The following HPS3 variants were observed in gnomAD, a reference collection of about 807,000 sequenced individuals.
The protein encoded by HPS3 is BLOC-2 complex member HPS3.
Under a neutral mutation model 110.9 loss-of-function variants are expected in HPS3, and 79 were observed. The ratio of observed to expected loss-of-function variants is 0.71; its 90% CI spans 0.59 to 0.86. The LOEUF (loss-of-function observed/expected upper bound fraction) is 0.86, where lower values mean the gene tolerates loss of function less well. Among genes scored for constraint, HPS3 ranks in the 40% least tolerant of loss-of-function variants. The pLI is 0.00. For missense variants in HPS3, 1,197 were observed against 1,206.2 expected, an observed-to-expected ratio of 0.99 and a Z score of 0.11; for synonymous variants, 428 against 451.0, an observed-to-expected ratio of 0.95 and a Z score of 0.65.
intron 1 of HPS3, among the ~76,000 whole-genome samples, chr3:149,134,302 TAA>T (rs1426370669): frequency 6.6e-6 from 1 of 152,224 alleles, no homozygotes; most frequent in Non-Finnish European, 1.5e-5. Flanking sequence ...TTTTAAGGCA[TAA>T]GAGTTCTCAC....
At chr3:149,158,171 A>G (rs1723570325) in intron 9 of HPS3, among the ~76,000 whole-genome samples, 1 of 152,210 alleles carries the variant, frequency 6.6e-6, no homozygotes, top group Non-Finnish European at 1.5e-5. Context: ...TTTTGAGAGT[A>G]ATGTTTACAA....
intron 15 of HPS3, among the ~76,000 whole-genome samples, chr3:149,167,473 A>G (rs2108185563): frequency 6.6e-6 from 1 of 152,320 alleles, no homozygotes; most frequent in African/African-American, 2.4e-5. Flanking sequence ...TTTGGAGATG[A>G]AGTAGTTGAT....
Position 149,141,006 on chromosome 3 carries a change from A to G in HPS3, c.713-11A>G, listed in dbSNP as rs1722406466. 6.2e-7 allele frequency: 1 copy of G among 1,612,162 alleles called. No individual in the cohort carries two copies. The highest frequency in any genetic ancestry group is 1.3e-5 in the African/African-American group (1 of 74,872). On this transcript the variant is annotated splice_polypyrimidine_tract_variant and intron_variant, in intron 2 of 16. Coordinates refer to ENST00000296051, the MANE Select transcript of HPS3 (RefSeq NM_032383.5). ...CATTCAAGCAGGACTGTTACATTTT[A>G]TTTTTTTAAGGCATCAGTAATGAAA...
chr3:149,162,768 C>G lies in HPS3; in HGVS notation c.2371C>G (p.Pro791Ala). ...GGAAGCTCAGCTAGTGGCATGTCTC[C>G]CAGATGTGGTACTTCAGGAACTCTT... ...FWEAQLVACL[P>A]DVVLQELFFK... Residue 791 changes from proline to alanine, a missense_variant, in exon 13 of 17, where the codon CCA becomes GCA. Coordinates refer to ENST00000296051, the MANE Select transcript of HPS3 (RefSeq NM_032383.5). 2 of 1,613,950 alleles carry G rather than the reference C, an allele frequency of 1.2e-6. No individual in the cohort carries two copies. Among genetic ancestry groups the G allele is most frequent in the African/African-American group, 1.3e-5 (1 of 75,034 alleles).
intron 7 of HPS3, 49 bp from the exon 8 acceptor site, chr3:149,155,058 T>G: frequency 1.1e-6 from 1 of 931,490 alleles, no homozygotes; most frequent in South Asian, 1.3e-5. Flanking sequence ...ACAACTACCA[T>G]TTATTAATAA....
At chr3:149,132,258 T>C (rs1285471015) in intron 1 of HPS3, among the ~76,000 whole-genome samples, 2 of 152,230 alleles carry the variant, frequency 1.3e-5, no homozygotes, top group African/African-American at 2.4e-5. Flanking sequence ...TCTAGGACTT[T>C]CTTGGCTAGA....
intron 4 of HPS3, among the ~76,000 whole-genome samples, chr3:149,144,395 T>C (rs1200045189): frequency 6.6e-6 from 1 of 151,836 alleles, no homozygotes; most frequent in Non-Finnish European, 1.5e-5. Context: ...AAAATAAAAA[T>C]AAAAAAAATT....
At chr3:149,161,245 C>G (rs575297024) in intron 11 of HPS3, among the ~76,000 whole-genome samples, 28 of 152,238 alleles carry the variant, frequency 1.8e-4, no homozygotes, top group African/African-American at 6.5e-4. Context: ...ATATATTAGT[C>G]ATCACTTGGT....
intron 8 of HPS3, 83 bp downstream of exon 8, chr3:149,155,298 A>C: frequency 2.3e-6 from 2 of 857,490 alleles, no homozygotes; most frequent in Non-Finnish European, 4.0e-6. Context: ...ATTATCATAC[A>C]TTCAGGATGC....
intron 16 of HPS3, chr3:149,170,700 G>A (rs2108194507): frequency 6.6e-6 from 1 of 152,236 alleles, no homozygotes; most frequent in East Asian, 1.9e-4. Context: ...TCATTCTTTT[G>A]TGTAAAGAAA....
intron 1 of HPS3, 124 bp downstream of exon 1, chr3:149,130,064 G>C (rs908601750): frequency 1.0e-6 from 1 of 957,730 alleles, no homozygotes; most frequent in African/African-American, 1.6e-5. Context: ...GAATTTGCCG[G>C]ATGGTCTCCC....
At chr3:149,157,577 TTTGGGTACAC>T in intron 9 of HPS3, 46 bp downstream of exon 9, 1 of 1,568,428 alleles carries the variant, frequency 6.4e-7, no homozygotes, top group Non-Finnish European at 8.8e-7. Flanking sequence ...CATCTTGAAC[TTTGGGTACAC>T]TTGTTAGCTT....
intron 1 of HPS3, among the ~76,000 whole-genome samples, chr3:149,137,135 A>C (rs1409287556): frequency 6.6e-6 from 1 of 152,196 alleles, no homozygotes; most frequent in Admixed American, 6.5e-5. Context: ...CAACAACCAA[A>C]AAAACTTGAT....
At position 149,163,833 on chromosome 3, in the gene HPS3, A is replaced by G. The variant is rs2108173264; in HGVS notation, c.2482-9A>G. On this transcript the variant is annotated splice_polypyrimidine_tract_variant and intron_variant, in intron 13 of 16. Transcript: ENST00000296051. ...TATTTTGTTTATGAGAAATTCTTTT[A>G]TGTTTTAGATAAATGCCTGTAGTCA... The G allele has an allele frequency of 7.1e-7, 1 of 1,406,654 alleles. No homozygotes were observed. The highest frequency in any genetic ancestry group is 1.0e-6 in the Non-Finnish European group (1 of 990,948). 87.1% of individuals were successfully genotyped at this position (1,406,654 alleles called of 1,614,324 possible).
At chr3:149,149,008 C>G (rs1447634747) in intron 5 of HPS3, among the ~76,000 whole-genome samples, 1 of 135,408 alleles carries the variant, frequency 7.4e-6, no homozygotes, top group Non-Finnish European at 1.5e-5. Flanking sequence ...GGCTGGAGTG[C>G]AGTGGCACGA....
intron 5 of HPS3, among the ~76,000 whole-genome samples, chr3:149,147,209 G>C (rs1037614460): frequency 2.0e-5 from 3 of 152,140 alleles, no homozygotes; most frequent in African/African-American, 7.2e-5. Flanking sequence ...GAGATGTTTG[G>C]TTTAGACATT....
At chr3:149,155,236 A>G in intron 8 of HPS3, 21 bp downstream of exon 8, 2 of 1,228,722 alleles carry the variant, frequency 1.6e-6, no homozygotes, top group Non-Finnish European at 2.4e-6. Flanking sequence ...CAAACTTCTG[A>G]TTCTTGTTTG....
chr3:149,167,741 G>T (rs893768487), intron 15 of HPS3, 152 bp from the exon 16 acceptor site: 3 of 664,138 alleles, frequency 4.5e-6, no homozygotes, highest in Non-Finnish European at 8.2e-6. Flanking sequence ...AAGACTGGCT[G>T]CTGATATAAC....
chr3:149,159,312 C>T (rs1029823014), intron 10 of HPS3, among the ~76,000 whole-genome samples: 3 of 152,132 alleles, frequency 2.0e-5, no homozygotes, highest in Admixed American at 2.0e-4. Flanking sequence ...TCTGTAATTC[C>T]AACACTTTGG....
Sources: gnomAD v4.1 joint callset for allele counts (sites outside exome capture counted in the v4.1 genomes callset) on GRCh38, gnomAD v4.1.1 for gene constraint, MANE v1.5 for transcripts, NCBI Gene and HGNC (gene_info 2026-07-23, HGNC 2026-07-21) for gene names.